Variants in MBD5 observed in about 807,000 individuals in gnomAD.
MBD5 encodes the protein methyl-CpG-binding domain protein 5.
In MBD5, 13 loss-of-function variants were observed where a neutral mutation model predicts 117.3. The observed-to-expected ratio is 0.11, with a 90% confidence interval of 0.07 to 0.18. The LOEUF is 0.18. Ranked by LOEUF, MBD5 falls within the 10% of genes least tolerant of loss-of-function variation. MBD5 has a pLI of 1.00. For synonymous variants in MBD5, 727 were observed against 766.4 expected (o/e 0.95, Z 0.85); for missense variants, 1,879 against 2,093.8 (o/e 0.90, Z 2.00).
intron 1 of MBD5, among the ~76,000 whole-genome samples, chr2:148,053,095 G>A (rs1694766177): frequency 2.0e-5 from 3 of 151,680 alleles, no homozygotes. Context: ...AGATTTGTAT[G>A]TTCATTATCA....
intron 11 of MBD5, among the ~76,000 whole-genome samples, chr2:148,495,879 T>G (rs1681686632): frequency 6.6e-6 from 1 of 152,224 alleles, no homozygotes; most frequent in Non-Finnish European, 1.5e-5. Flanking sequence ...CACACACATG[T>G]GTTTTGACAG....
chr2:148,258,840 G>T (rs941437010), intron 3 of MBD5, among the ~76,000 whole-genome samples: 3 of 152,172 alleles, frequency 2.0e-5, no homozygotes, highest in African/African-American at 4.8e-5. Flanking sequence ...TGTGGGTGGG[G>T]CATCTTCCCC....
intron 1 of MBD5, among the ~76,000 whole-genome samples, chr2:148,073,046 C>T (rs2105094941): frequency 6.6e-6 from 1 of 152,176 alleles, no homozygotes; most frequent in African/African-American, 2.4e-5. Flanking sequence ...CACCCCACCA[C>T]CATAGAACTG....
chr2:148,332,097 A>G (rs1269108448), intron 3 of MBD5, among the ~76,000 whole-genome samples: 1 of 152,114 alleles, frequency 6.6e-6, no homozygotes, highest in African/African-American at 2.4e-5. Context: ...TCACATGATT[A>G]TATTTCTACT....
chr2:148,397,719 A>G (rs1319140383), intron 4 of MBD5, among the ~76,000 whole-genome samples: 1 of 151,980 alleles, frequency 6.6e-6, no homozygotes, highest in Non-Finnish European at 1.5e-5. Context: ...TGTTACATAT[A>G]TATACATGTG....
intron 4 of MBD5, among the ~76,000 whole-genome samples, chr2:148,428,293 G>A (rs1474942515): frequency 6.6e-6 from 1 of 152,146 alleles, no homozygotes; most frequent in East Asian, 1.9e-4. Context: ...TACAAGGGAT[G>A]TGAAGGACCT....
At chr2:148,109,617 A>C (rs1230053210) in intron 1 of MBD5, among the ~76,000 whole-genome samples, 5 of 152,210 alleles carry the variant, frequency 3.3e-5, no homozygotes, top group Admixed American at 3.3e-4. Context: ...ATATAACCAT[A>C]ATTAAAGAGT....
At chr2:148,108,201 G>A (rs1242274245) in intron 1 of MBD5, among the ~76,000 whole-genome samples, 1 of 152,112 alleles carries the variant, frequency 6.6e-6, no homozygotes, top group Admixed American at 6.5e-5. Flanking sequence ...TAGACACAGA[G>A]TATCAGAATT....
intron 8 of MBD5, among the ~76,000 whole-genome samples, chr2:148,477,162 C>T (rs1166000579): frequency 1.3e-5 from 2 of 152,066 alleles, no homozygotes; most frequent in African/African-American, 4.8e-5. Flanking sequence ...CTGACTCCAT[C>T]ACCACCACGA....
chr2:148,446,180 C>T (rs4008054), intron 4 of MBD5, among the ~76,000 whole-genome samples: 87,836 of 150,532 alleles, frequency 0.58, 26,012 homozygotes, highest in African/African-American at 0.68. Flanking sequence ...CCATTGCTTT[C>T]GGTGTTTTAG....
intron 3 of MBD5, among the ~76,000 whole-genome samples, chr2:148,324,517 C>A (rs1332020998): frequency 6.6e-6 from 1 of 152,126 alleles, no homozygotes; most frequent in African/African-American, 2.4e-5. Flanking sequence ...TTTCCTTGAG[C>A]AGTGCTTTGT....
At chr2:148,082,736 G>A (rs1234409) in intron 1 of MBD5, among the ~76,000 whole-genome samples, 2 of 152,054 alleles carry the variant, frequency 1.3e-5, no homozygotes, top group African/African-American at 4.8e-5. Context: ...AGAGGAAGGG[G>A]TTTTTTATTA....
chr2:148,186,662 T>G (rs1242890058), intron 2 of MBD5, among the ~76,000 whole-genome samples: 1 of 152,236 alleles, frequency 6.6e-6, no homozygotes, highest in Non-Finnish European at 1.5e-5. Flanking sequence ...AAGTTTTTCC[T>G]TATAGTTTTT....
In MBD5 at chr2:148,187,429, T is replaced by A. The variant is rs1013217239; in HGVS notation, c.-831+8636T>A. 2.0e-5 allele frequency among the ~76,000 whole-genome samples: 3 copies of A among 152,004 alleles called. No homozygotes were observed. The East Asian group carries it at 5.8e-4, about 29-fold the overall frequency. Reference sequence around the variant, plus strand: ...ATATTTGAACAAATATGGCCAAAATTGTTCCACATTGGATGAAAAATAGAA... The same window carrying A: ...ATATTTGAACAAATATGGCCAAAATAGTTCCACATTGGATGAAAAATAGAA... On this transcript the variant is annotated intron_variant, in intron 2 of 13. Coordinates refer to ENST00000642680, the MANE Select transcript of MBD5 (RefSeq NM_001378120.1).
chr2:148,021,383 C>CCCT lies in MBD5; in HGVS notation c.-1218_-1216dup, dbSNP rs1693709399. 1 of 486,426 alleles carries CCCT rather than the reference C, an allele frequency of 2.1e-6. No homozygotes were observed. The highest frequency in any genetic ancestry group is 1.6e-5 in the South Asian group (1 of 61,126). The allele number at this position is 486,426 out of a possible 1,614,324, so 30.1% of individuals were successfully genotyped here. On this transcript the variant is annotated 5_prime_UTR_variant, in exon 1 of 14. Transcript: ENST00000642680. Reference sequence around the variant, plus strand: ...CCTCCAACTCGCCTCCCTCCCTCCACCCTCCTCCTCTTTGGCCGTGAGAGG... The same window carrying CCCT: ...CCTCCAACTCGCCTCCCTCCCTCCACCCTCCTCCTCCTCTTTGGCCGTGAGAGG...
At chr2:148,400,055 C>A (rs1418007704) in intron 4 of MBD5, among the ~76,000 whole-genome samples, 2 of 151,934 alleles carry the variant, frequency 1.3e-5, no homozygotes, top group Non-Finnish European at 2.9e-5. Flanking sequence ...ATTTGGTTTG[C>A]CAGTATTTTA....
chr2:148,040,615 TTC>T (rs1306008377), intron 1 of MBD5, among the ~76,000 whole-genome samples: 3 of 152,190 alleles, frequency 2.0e-5, no homozygotes, highest in Non-Finnish European at 4.4e-5. Context: ...CCAACATTAT[TTC>T]TGTTATATTT....
At chr2:148,169,743 A>G (rs1007288481) in intron 1 of MBD5, among the ~76,000 whole-genome samples, 11 of 152,158 alleles carry the variant, frequency 7.2e-5, no homozygotes, top group African/African-American at 2.7e-4. Context: ...GATTCTTTGT[A>G]CTTTTTTTCA....
chr2:148,157,177 G>A (rs1174395573), intron 1 of MBD5, among the ~76,000 whole-genome samples: 1 of 151,634 alleles, frequency 6.6e-6, no homozygotes, highest in Non-Finnish European at 1.5e-5. Context: ...TGGGATACAT[G>A]TGCAGAATGT....
Sources: allele counts gnomAD v4.1 joint callset (sites outside exome capture counted in the v4.1 genomes callset), GRCh38; gene constraint gnomAD v4.1.1; transcripts MANE v1.5; gene names NCBI Gene and HGNC (gene_info 2026-07-23, HGNC 2026-07-21).